The following SPHK2 variants were observed in gnomAD, a reference collection of about 807,000 sequenced individuals.
SPHK2 encodes the protein sphingosine kinase 2.
Under a neutral mutation model 32.3 loss-of-function variants are expected in SPHK2, and 18 were observed. The observed-to-expected ratio is 0.56, with a 90% CI of 0.39 to 0.83. The LOEUF (loss-of-function observed/expected upper bound fraction) is 0.83, where lower values mean the gene tolerates loss of function less well. Among genes scored for constraint, SPHK2 ranks in the 40% least tolerant of loss-of-function variants. The pLI, the probability that SPHK2 is intolerant of heterozygous loss-of-function variation, is 0.00. For synonymous variants in SPHK2, 462 were observed against 417.6 expected, an observed-to-expected ratio of 1.11 and a Z score of -1.30; for missense variants, 850 against 908.7, an observed-to-expected ratio of 0.94 and a Z score of 0.83.
Position 48,629,879 on chromosome 19 carries a change from C to G in SPHK2, c.*106C>G. ...CTGCTAGAGTTGTGGTGGCAGGGGC[C>G]CTGGCCCCGTCTCAGGATTGCGCTC... is the stretch of plus-strand genomic sequence containing the variant. On this transcript the variant is annotated 3_prime_UTR_variant, in exon 7 of 7. Coordinates refer to ENST00000245222, the MANE Select transcript of SPHK2 (RefSeq NM_020126.5). 1.4e-6 allele frequency: 2 copies of G among 1,457,176 alleles called. No individual in the cohort carries two copies. The highest frequency in any genetic ancestry group is 1.8e-6 in the Non-Finnish European group (2 of 1,105,288). 90.3% of individuals were successfully genotyped at this position (1,457,176 alleles called of 1,614,324 possible).
rs916310419 is a variant in SPHK2, at chr19:48,626,038, C to G, written c.187C>G (p.Pro63Ala). The change falls in exon 3 of 7, where the codon CCA becomes GCA. Residue 63 changes from proline (P) to alanine (A), a missense_variant. Pro to Ala is a conservative substitution (Grantham distance 27). Transcript: ENST00000245222. ...GTTTGGCTCCTACCCAGCCCGAGGC[C>G]CACGCTTTGCCCTCACCCTTACATC... ...GEFGSYPARGPRFALTLTSQA... is the reference protein window; with the variant it reads ...GEFGSYPARGARFALTLTSQA... 5 of 1,613,394 alleles carry G rather than the reference C, an allele frequency of 3.1e-6. No homozygotes were observed. Among genetic ancestry groups the G allele is most frequent in the Non-Finnish European group, 2.5e-6 (3 of 1,179,926 alleles).
intron 2 of SPHK2, chr19:48,624,195 A>C (rs906867196): frequency 1.3e-5 from 2 of 152,204 alleles, no homozygotes; most frequent in African/African-American, 2.4e-5. Context: ...CTCACCCACG[A>C]TGGCGGCCAG....
Position 48,626,193 on chromosome 19 carries a change from C to T in SPHK2, c.342C>T (p.Tyr114=), listed in dbSNP as rs1251857646. The change falls in exon 3 of 7, where the codon TAC becomes TAT. Residue 114 remains tyrosine (Y), a synonymous_variant. Coordinates refer to ENST00000245222, the MANE Select transcript of SPHK2 (RefSeq NM_020126.5). ...RSRSPSDSAA[Y]FCIYTYPRGR... Reference sequence around the variant, plus strand: ...GCAGCCCCTCAGACTCAGCGGCCTACTTCTGCATCTACACCTACCCTCGGG... The same window carrying T: ...GCAGCCCCTCAGACTCAGCGGCCTATTTCTGCATCTACACCTACCCTCGGG... The T allele has an allele frequency of 6.3e-6, 10 of 1,595,290 alleles. No individual in the cohort carries two copies. Among genetic ancestry groups the T allele is most frequent in the Non-Finnish European group, 8.5e-6 (10 of 1,173,672 alleles).
rs753284749 is a variant in SPHK2, at chr19:48,629,817, C to A, written c.*44C>A. Reference sequence around the variant, plus strand: ...CCCGCCGGGGGCGGGGCCTACATTCCAATGGGGCGGAGCCTGAGCTAGGGG... The same window carrying A: ...CCCGCCGGGGGCGGGGCCTACATTCAAATGGGGCGGAGCCTGAGCTAGGGG... On this transcript the variant is annotated 3_prime_UTR_variant, in exon 7 of 7. Transcript: ENST00000245222. 1.3e-6 allele frequency: 2 copies of A among 1,520,952 alleles called. No homozygotes were observed. Among genetic ancestry groups the A allele is most frequent in the Non-Finnish European group, 1.8e-6 (2 of 1,133,556 alleles). The allele number at this position is 1,520,952 out of a possible 1,614,324, so 94.2% of individuals were successfully genotyped here.
intron 2 of SPHK2, among the ~76,000 whole-genome samples, chr19:48,622,208 G>A (rs1057197140): frequency 6.7e-5 from 10 of 149,608 alleles, no homozygotes; most frequent in Non-Finnish European, 1.2e-4. Flanking sequence ...GCAGTGAGTC[G>A]AGATCGCGCC....
chr19:48,624,971 A>G, intron 2 of SPHK2: 2 of 987,318 alleles, frequency 2.0e-6, no homozygotes, highest in Non-Finnish European at 2.4e-6. Context: ...AGGTGAGCGA[A>G]AGGAGGAGGC....
chr19:48,630,067 C>G lies in SPHK2; in HGVS notation c.*294C>G, dbSNP rs2030469368. The G allele has an allele frequency of 7.8e-7, 1 of 1,286,770 alleles. No individual in the cohort carries two copies. Among genetic ancestry groups the G allele is most frequent in the African/African-American group, 1.5e-5 (1 of 66,548 alleles). 79.7% of individuals were successfully genotyped at this position (1,286,770 alleles called of 1,614,324 possible). ...GCTCAGTCCTGACGCTTGCCACCTG[C>G]TCCTACCCGGCCAGGATGGCTGAGG... On this transcript the variant is annotated 3_prime_UTR_variant, in exon 7 of 7. Coordinates refer to ENST00000245222, the MANE Select transcript of SPHK2 (RefSeq NM_020126.5). The surrounding 1 kb of genome is among the most constrained non-coding windows in gnomAD (Gnocchi z 4.9).
Position 48,626,112 on chromosome 19 carries a change from CCG to C in SPHK2, c.262_263del (p.Arg88GlyfsTer87). ...RLRPKPEARP[R>X]GGLVPLAEVS... ...TGCGCCCCAAACCTGAAGCCAGGCCCCGGGGTGGCCTGGTCCCGTTGGCCGAG... is the reference window on the plus strand; with the variant it reads ...TGCGCCCCAAACCTGAAGCCAGGCCCGGGTGGCCTGGTCCCGTTGGCCGAG... On this transcript the variant is annotated frameshift_variant, in exon 3 of 7. Coordinates refer to ENST00000245222, the MANE Select transcript of SPHK2 (RefSeq NM_020126.5). LOFTEE classifies it high-confidence loss of function. 1 of 1,610,216 alleles carries C rather than the reference CCG, an allele frequency of 6.2e-7. No homozygotes were observed. The highest frequency in any genetic ancestry group is 8.5e-7 in the Non-Finnish European group (1 of 1,178,232).
intron 2 of SPHK2, among the ~76,000 whole-genome samples, chr19:48,621,330 C>T (rs889015167): frequency 4.6e-5 from 7 of 152,210 alleles, no homozygotes; most frequent in Admixed American, 1.3e-4. Context: ...ACGCCGGCCT[C>T]GGCCTCCCAA....
intron 3 of SPHK2, 171 bp downstream of exon 3, chr19:48,626,533 G>A: frequency 1.1e-6 from 1 of 887,898 alleles, no homozygotes; most frequent in Non-Finnish European, 1.6e-6. Flanking sequence ...AAGACAAGAG[G>A]ACCGGATGTG....
At position 48,625,926 on chromosome 19, in the gene SPHK2, C is replaced by T. The variant is rs757711230; in HGVS notation, c.75C>T (p.His25=). 12 of 1,611,616 alleles carry T rather than the reference C, an allele frequency of 7.4e-6. No homozygotes were observed. The highest frequency in any genetic ancestry group is 3.3e-5 in the Admixed American group (2 of 59,924). ...AGGAGCTGACCGGGAGCTGGGGCCA[C>T]GGGCCTAGGAGCACCCTGGTCAGGG... is the stretch of plus-strand genomic sequence containing the variant. ...PDQELTGSWG[H]GPRSTLVRAK... is the part of the protein sequence containing the mutation. Residue 25 remains histidine (H), a synonymous_variant, in exon 3 of 7, where the codon CAC becomes CAT. Transcript: ENST00000245222.
At chr19:48,620,645 C>T in intron 2 of SPHK2, 92 bp downstream of exon 2, 2 of 1,083,736 alleles carry the variant, frequency 1.8e-6, no homozygotes, top group South Asian at 1.5e-5. Context: ...AATTGGAGGC[C>T]AGGCGTGGTA....
In SPHK2 at chr19:48,629,099, G is replaced by A. The variant is rs2030305098; in HGVS notation, c.1291G>A (p.Ala431Thr). 1 of 1,613,476 alleles carries A rather than the reference G, an allele frequency of 6.2e-7. No individual in the cohort carries two copies. Among genetic ancestry groups the A allele is most frequent in the Admixed American group, 1.7e-5 (1 of 59,998 alleles). The part of the protein sequence containing the change: ...SDLPLPLPQP[A>T]LASPGSPEPL... ...CCTGCCTCTTCCCCTGCCCCAGCCT[G>A]CCCTGGCCTCTCCTGGCTCGCCAGA... The change falls in exon 7 of 7, where the codon GCC becomes ACC. Residue 431 changes from alanine (A) to threonine (T), a missense_variant. Physicochemically the swap from Ala to Thr is moderately conservative, Grantham distance 58. Transcript: ENST00000245222.
chr19:48,622,145 TACAC>T, intron 2 of SPHK2, among the ~76,000 whole-genome samples: 1 of 150,848 alleles, frequency 6.6e-6, no homozygotes, highest in Non-Finnish European at 1.5e-5. Context: ...TAGTCCCAGC[TACAC>T]ACGGGAGGCT....
intron 2 of SPHK2, chr19:48,625,250 G>T (rs1361238927): frequency 2.8e-6 from 3 of 1,066,828 alleles, no homozygotes; most frequent in South Asian, 2.6e-5. Flanking sequence ...TCGTTGGGGT[G>T]AAAAAGTCTT....
chr19:48,625,857 G>T, intron 2 of SPHK2, 34 bp from the exon 3 acceptor site: 1 of 1,602,232 alleles, frequency 6.2e-7, no homozygotes. Context: ...ATGGGGTCCT[G>T]AATTCTCACC....
chr19:48,624,506 C>A (rs370096056), intron 2 of SPHK2: 1 of 152,424 alleles, frequency 6.6e-6, no homozygotes. Context: ...GAGACTCAGG[C>A]CCGGGACTGG....
rs772999146 is a variant in SPHK2, at chr19:48,628,807, G to T, written c.999G>T (p.Leu333=). The T allele has an allele frequency of 3.1e-6, 5 of 1,613,716 alleles. No individual in the cohort carries two copies. The Admixed American group carries it at 8.3e-5, about 27-fold the overall frequency. The change falls in exon 7 of 7, where the codon CTG becomes CTT. Residue 333 remains leucine, a synonymous_variant. Coordinates refer to ENST00000245222, the MANE Select transcript of SPHK2 (RefSeq NM_020126.5). This position sits in a 1 kb window ranked among gnomAD's most constrained non-coding sequence, Gnocchi z 5.2. ...CGGGCTCCCGCTGTTTCTCCTTCCT[G>T]TCTGTGGCCTGGGGCTTCGTGTCAG... is the stretch of plus-strand genomic sequence containing the variant. ...LASGSRCFSF[L]SVAWGFVSDV...
In SPHK2 at chr19:48,628,825, C is replaced by G; in HGVS notation, c.1017C>G (p.Phe339Leu). The G allele has an allele frequency of 6.2e-7, 1 of 1,613,746 alleles. No individual in the cohort carries two copies. Among genetic ancestry groups the G allele is most frequent in the Non-Finnish European group, 8.5e-7 (1 of 1,180,026 alleles). Residue 339 changes from phenylalanine (F) to leucine (L), a missense_variant, in exon 7 of 7, where the codon TTC becomes TTG. Phe to Leu is a conservative substitution (Grantham distance 22). Around this residue, in one of 2 missense-constraint regions of SPHK2, gnomAD observed 544 missense variants for 640.0 expected, o/e 0.85. Transcript: ENST00000245222. This position sits in a 1 kb window ranked among gnomAD's most constrained non-coding sequence, Gnocchi z 5.2. ...CCTTCCTGTCTGTGGCCTGGGGCTT[C>G]GTGTCAGATGTGGATATCCAGAGCG... ...CFSFLSVAWGFVSDVDIQSER... is the reference protein window; with the variant it reads ...CFSFLSVAWGLVSDVDIQSER...
Sources: gnomAD v4.1 joint callset for allele counts (sites outside exome capture counted in the v4.1 genomes callset) on GRCh38, gnomAD v4.1.1 for gene constraint, gnomAD v4.1.1 regional missense constraint, Gnocchi (gnomAD v3.1) non-coding constraint, MANE v1.5 for transcripts, NCBI Gene and HGNC (gene_info 2026-07-23, HGNC 2026-07-21) for gene names.